The following LRP1B variants were observed in gnomAD, a reference collection of about 807,000 sequenced individuals.
The protein encoded by LRP1B is LDL receptor related protein 1B.
In LRP1B, 217 loss-of-function variants were observed where a neutral mutation model predicts 556.6. The ratio of observed to expected loss-of-function variants is 0.39; its 90% confidence interval spans 0.35 to 0.44. LRP1B has a LOEUF of 0.44. Ranked by LOEUF, LRP1B falls within the 20% of genes least tolerant of loss-of-function variation. LRP1B has a pLI of 1.00. For missense variants in LRP1B, 5,053 were observed against 5,620.8 expected (o/e 0.90, Z 3.23); for synonymous variants, 2,047 against 1,865.8 (o/e 1.10, Z -2.50).
chr2:141,635,738 T>C (rs763779237), intron 2 of LRP1B, among the ~76,000 whole-genome samples: 21 of 152,218 alleles, frequency 1.4e-4, no homozygotes, highest in Non-Finnish European at 1.9e-4. Context: ...AAGCCAACTT[T>C]CCACGTGGAT....
chr2:141,816,054 T>C (rs1696535319), intron 1 of LRP1B, among the ~76,000 whole-genome samples: 2 of 152,246 alleles, frequency 1.3e-5, no homozygotes, highest in Admixed American at 6.5e-5. Flanking sequence ...CAGTTGACAG[T>C]TGGATGTTTT....
At chr2:142,020,652 G>A (rs185695439) in intron 1 of LRP1B, among the ~76,000 whole-genome samples, 1 of 152,182 alleles carries the variant, frequency 6.6e-6, no homozygotes, top group Admixed American at 6.5e-5. Context: ...TTCAGTGAGT[G>A]GCTCAGCTAA....
chr2:142,116,854 C>T (rs913507587), intron 1 of LRP1B, among the ~76,000 whole-genome samples: 37 of 152,098 alleles, frequency 2.4e-4, no homozygotes, highest in African/African-American at 8.7e-4. Context: ...CACAGTTGGC[C>T]CTTGTTTAGT....
chr2:141,482,263 C>A (rs1209665645), intron 2 of LRP1B, among the ~76,000 whole-genome samples: 2 of 152,080 alleles, frequency 1.3e-5, no homozygotes, highest in African/African-American at 4.8e-5. Flanking sequence ...GATGCTAAAA[C>A]AGCTTTCTCT....
chr2:142,076,919 T>C (rs1705521766), intron 1 of LRP1B, among the ~76,000 whole-genome samples: 1 of 152,076 alleles, frequency 6.6e-6, no homozygotes, highest in Admixed American at 6.6e-5. Flanking sequence ...TATGACATCA[T>C]TTGAGGTGTC....
intron 11 of LRP1B, among the ~76,000 whole-genome samples, chr2:141,047,121 A>T (rs1360283759): frequency 6.6e-6 from 1 of 151,556 alleles, no homozygotes; most frequent in Admixed American, 6.6e-5. Context: ...AAAACAACGT[A>T]AATTTTATCT....
chr2:140,297,233 C>A (rs1573750700), intron 84 of LRP1B, among the ~76,000 whole-genome samples: 1 of 152,018 alleles, frequency 6.6e-6, no homozygotes, highest in African/African-American at 2.4e-5. Context: ...TAGATGGTTT[C>A]TATTCATATA....
chr2:141,303,013 T>G (rs1248194276), intron 3 of LRP1B, among the ~76,000 whole-genome samples: 1 of 152,088 alleles, frequency 6.6e-6, no homozygotes, highest in African/African-American at 2.4e-5. Flanking sequence ...GTAATGAAAA[T>G]GCCACCAACA....
intron 2 of LRP1B, among the ~76,000 whole-genome samples, chr2:141,642,959 G>A (rs890054506): frequency 1.3e-5 from 2 of 151,986 alleles, no homozygotes; most frequent in Admixed American, 6.6e-5. Context: ...AGGGTGGGTC[G>A]AGACCAATGT....
intron 32 of LRP1B, among the ~76,000 whole-genome samples, chr2:140,784,730 A>T (rs765670179): frequency 1.0e-3 from 5 of 4,874 alleles, no homozygotes; most frequent in Non-Finnish European, 8.3e-3. Context: ...AAGAAAAGGT[A>T]AAAAAAAAAA....
chr2:141,434,937 T>A (rs1310497335), intron 3 of LRP1B, among the ~76,000 whole-genome samples: 2 of 152,176 alleles, frequency 1.3e-5, no homozygotes, highest in African/African-American at 4.8e-5. Context: ...ATTTGTCCAA[T>A]GTTGTGCTTT....
chr2:141,324,396 C>A (rs1687362973), intron 3 of LRP1B, among the ~76,000 whole-genome samples: 1 of 152,092 alleles, frequency 6.6e-6, no homozygotes, highest in Admixed American at 6.6e-5. Flanking sequence ...GTGGTTATGG[C>A]AAATACTTTT....
intron 78 of LRP1B, among the ~76,000 whole-genome samples, chr2:140,335,189 C>T (rs1442402366): frequency 8.1e-6 from 1 of 123,912 alleles, no homozygotes; most frequent in African/African-American, 2.9e-5. Context: ...TGTGTGTGTG[C>T]ATGTGTATAT....
intron 66 of LRP1B, among the ~76,000 whole-genome samples, chr2:140,423,459 A>G (rs1009698915): frequency 1.1e-4 from 17 of 152,140 alleles, no homozygotes; most frequent in African/African-American, 4.1e-4. Context: ...AAAGCATACT[A>G]AGTATAAGTA....
intron 3 of LRP1B, among the ~76,000 whole-genome samples, chr2:141,386,660 C>A (rs1689844434): frequency 6.6e-6 from 1 of 151,952 alleles, no homozygotes; most frequent in African/African-American, 2.4e-5. Context: ...GAGGTAAATT[C>A]ATCTAAGCAC....
chr2:141,115,603 C>G (rs529680305), intron 7 of LRP1B, among the ~76,000 whole-genome samples: 59 of 150,266 alleles, frequency 3.9e-4, no homozygotes, highest in Middle Eastern at 6.8e-3. Flanking sequence ...ACTACAGGCT[C>G]CCGCCACCAT....
At position 141,344,444 on chromosome 2, in the gene LRP1B, A is replaced by G. The variant is rs1228028438; in HGVS notation, c.344-89803T>C. On this transcript the variant is annotated intron_variant, in intron 3 of 90. Coordinates refer to ENST00000389484, the MANE Select transcript of LRP1B (RefSeq NM_018557.3). ...GCTCTCCTCTCTTGGCCTTTGGCGT[A>G]GGTGTTTTCTCTGTTTCAAATGTTC... Among the ~76,000 whole-genome samples, 7 of 152,072 alleles carry G rather than the reference A, an allele frequency of 4.6e-5. No individual in the cohort carries two copies. The South Asian group carries it at 1.5e-3, about 32-fold the overall frequency.
chr2:141,530,538 C>T (rs1684836354), intron 2 of LRP1B, among the ~76,000 whole-genome samples: 2 of 151,950 alleles, frequency 1.3e-5, no homozygotes, highest in Admixed American at 1.3e-4. Flanking sequence ...AAGGATAGAA[C>T]AGTGAATAAG....
In LRP1B at chr2:140,840,794, C is replaced by CT. The variant is rs751997628; in HGVS notation, c.5114+123dup. ...ATCTCTTTTACAGTTTCCATATTTA[C>CT]TTTTTTTTTAACTCTTATGGCTGTT... On this transcript the variant is annotated intron_variant, in intron 30 of 90. Transcript: ENST00000389484. 1,798 of 647,662 alleles carry CT rather than the reference C, an allele frequency of 2.8e-3. 2 individuals are homozygous for CT. Among genetic ancestry groups the CT allele is most frequent in the Middle Eastern group, 3.5e-3 (9 of 2,608 alleles). 40.1% of individuals were successfully genotyped at this position (647,662 alleles called of 1,614,324 possible).
Sources: gnomAD v4.1 joint callset for allele counts (sites outside exome capture counted in the v4.1 genomes callset) on GRCh38, gnomAD v4.1.1 for gene constraint, MANE v1.5 for transcripts, NCBI Gene and HGNC (gene_info 2026-07-23, HGNC 2026-07-21) for gene names.